Variants in ZNF804B observed in about 807,000 individuals in gnomAD.
ZNF804B encodes zinc finger protein 804B, also known as zinc finger 804B.
In ZNF804B, 80 loss-of-function variants were observed where a neutral mutation model predicts 101.4. The observed-to-expected ratio is 0.79, with a 90% CI of 0.66 to 0.95. The LOEUF is 0.95. Among genes scored for constraint, ZNF804B ranks in the 40% least tolerant of loss-of-function variants. ZNF804B has a pLI of 0.00. For missense variants in ZNF804B, 1,673 were observed against 1,561.9 expected, an observed-to-expected ratio of 1.07 and a Z score of -1.20; for synonymous variants, 622 against 558.8, an observed-to-expected ratio of 1.11 and a Z score of -1.59.
At chr7:88,893,335 C>A (rs1430763629) in intron 1 of ZNF804B, among the ~76,000 whole-genome samples, 2 of 152,044 alleles carry the variant, frequency 1.3e-5, no homozygotes. Context: ...GAACATCTAT[C>A]ATCCGTATTG....
At chr7:88,965,553 G>A (rs773105374) in intron 1 of ZNF804B, among the ~76,000 whole-genome samples, 2 of 151,448 alleles carry the variant, frequency 1.3e-5, no homozygotes, top group African/African-American at 2.4e-5. Flanking sequence ...TCACAAATAC[G>A]TCTGAGCTAT....
rs543366071 is a variant in ZNF804B at position 89,234,469 on chromosome 7, A to G, written c.249+16174A>G. 2.0e-5 allele frequency among the ~76,000 whole-genome samples: 3 copies of G among 152,304 alleles called. No individual in the cohort carries two copies. In the South Asian group the frequency reaches 6.2e-4, roughly 32 times the overall value. ...CTATATAAGATTTCCATGAAATTAA[A>G]TACCACCTGTGATGGTTAATATTAA... On this transcript the variant is annotated intron_variant, in intron 2 of 3. Coordinates refer to ENST00000333190, the MANE Select transcript of ZNF804B (RefSeq NM_181646.5).
intron 1 of ZNF804B, among the ~76,000 whole-genome samples, chr7:88,879,275 A>G (rs1367046782): frequency 6.6e-6 from 1 of 152,162 alleles, no homozygotes. Context: ...TGCATCCTCA[A>G]CAAGGATGAT....
rs1248367817 is a variant in ZNF804B at position 89,336,014 on chromosome 7, C to T, written c.3032C>T (p.Thr1011Ile). ...TEKDKSKSSH[T>I]NNFTILADTD... ...AAAGACAAAAGCAAAAGTTCACACA[C>T]AAATAATTTTACAATTTTAGCAGAC... is the stretch of plus-strand genomic sequence containing the variant. The change falls in exon 4 of 4, where the codon ACA (threonine) becomes ATA (isoleucine). Residue 1011 changes from threonine to isoleucine, a missense_variant. Thr to Ile is a moderately conservative substitution (Grantham distance 89, BLOSUM62 -1). Coordinates refer to ENST00000333190, the MANE Select transcript of ZNF804B (RefSeq NM_181646.5). The T allele has an allele frequency of 1.9e-6, 3 of 1,613,970 alleles. No individual in the cohort carries two copies. Among genetic ancestry groups the T allele is most frequent in the Non-Finnish European group, 2.5e-6 (3 of 1,179,984 alleles).
intron 1 of ZNF804B, among the ~76,000 whole-genome samples, chr7:89,021,476 A>T (rs1788666757): frequency 6.6e-6 from 1 of 152,094 alleles, no homozygotes; most frequent in Non-Finnish European, 1.5e-5. Flanking sequence ...CAAGCCCTAG[A>T]TATGGGCACA....
At chr7:88,835,894 T>C (rs2115793701) in intron 1 of ZNF804B, among the ~76,000 whole-genome samples, 1 of 152,098 alleles carries the variant, frequency 6.6e-6, no homozygotes, top group African/African-American at 2.4e-5. Context: ...TGTGCATGTA[T>C]ATGTGTTTGT....
chr7:89,168,055 A>G (rs1791170375), intron 1 of ZNF804B, among the ~76,000 whole-genome samples: 1 of 152,120 alleles, frequency 6.6e-6, no homozygotes, highest in African/African-American at 2.4e-5. Flanking sequence ...ATTCAATGAA[A>G]TGATTAGGGA....
intron 1 of ZNF804B, among the ~76,000 whole-genome samples, chr7:88,908,586 C>T (rs1449073154): frequency 1.3e-5 from 2 of 151,748 alleles, no homozygotes; most frequent in East Asian, 1.9e-4. Flanking sequence ...GAGAATCTTC[C>T]CAGTGTTTTT....
intron 2 of ZNF804B, among the ~76,000 whole-genome samples, chr7:89,277,493 TC>T (rs1562934722): frequency 2.1e-4 from 2 of 9,472 alleles, no homozygotes; most frequent in Non-Finnish European, 4.2e-4. Flanking sequence ...CCCTCCCCCC[TC>T]CCCCCTACCC....
chr7:88,928,939 A>G (rs1209440469), intron 1 of ZNF804B, among the ~76,000 whole-genome samples: 1 of 152,086 alleles, frequency 6.6e-6, no homozygotes, highest in Non-Finnish European at 1.5e-5. Context: ...TATTTTGGAC[A>G]GTATATTCAA....
At chr7:88,969,309 C>T (rs575162595) in intron 1 of ZNF804B, among the ~76,000 whole-genome samples, 3 of 151,584 alleles carry the variant, frequency 2.0e-5, no homozygotes, top group South Asian at 2.1e-4. Context: ...TGTTCAATTG[C>T]GTTTTATAAA....
intron 1 of ZNF804B, among the ~76,000 whole-genome samples, chr7:88,797,332 G>T (rs948127796): frequency 2.0e-5 from 3 of 151,982 alleles, no homozygotes; most frequent in Non-Finnish European, 1.5e-5. Context: ...AGTATTTCTA[G>T]ATTTCTCCAC....
chr7:89,127,494 T>C (rs1026236666), intron 1 of ZNF804B, among the ~76,000 whole-genome samples: 34 of 151,880 alleles, frequency 2.2e-4, no homozygotes, highest in Admixed American at 1.3e-4. Flanking sequence ...GAAAGTTATA[T>C]AGTACTTTTA....
chr7:88,833,130 C>T (rs1791157474), intron 1 of ZNF804B, among the ~76,000 whole-genome samples: 1 of 148,708 alleles, frequency 6.7e-6, no homozygotes, highest in Non-Finnish European at 1.5e-5. Flanking sequence ...TATCCTCTTT[C>T]AATATTTCCT....
chr7:88,932,920 G>C (rs1792909829), intron 1 of ZNF804B, among the ~76,000 whole-genome samples: 1 of 151,594 alleles, frequency 6.6e-6, no homozygotes, highest in African/African-American at 2.4e-5. Flanking sequence ...AAAAGATAAA[G>C]AGGGAATCCT....
intron 1 of ZNF804B, among the ~76,000 whole-genome samples, chr7:89,172,576 A>AATCCTTCCTGAATACAGAAAG (rs1197496720): frequency 6.6e-6 from 1 of 152,208 alleles, no homozygotes; most frequent in Non-Finnish European, 1.5e-5. Flanking sequence ...ACAGTAAACT[A>AATCCTTCCTGAATACAGAAAG]AAAATTTCTT....
intron 1 of ZNF804B, among the ~76,000 whole-genome samples, chr7:89,128,119 C>A (rs1481153815): frequency 2.6e-5 from 4 of 151,398 alleles, no homozygotes; most frequent in African/African-American, 9.7e-5. Context: ...TAATAAATTC[C>A]TTTTGGGCGT....
intron 1 of ZNF804B, among the ~76,000 whole-genome samples, chr7:89,024,523 C>A (rs555246716): frequency 6.6e-6 from 1 of 150,678 alleles, no homozygotes; most frequent in South Asian, 2.1e-4. Flanking sequence ...ATACATTTGG[C>A]TGTTTATTAG....
intron 2 of ZNF804B, among the ~76,000 whole-genome samples, chr7:89,246,833 T>C (rs1250435884): frequency 2.6e-5 from 4 of 151,814 alleles, no homozygotes; most frequent in Admixed American, 2.6e-4. Flanking sequence ...ATTAAAAGCA[T>C]ATACTTGAGC....
Sources: allele counts gnomAD v4.1 joint callset (sites outside exome capture counted in the v4.1 genomes callset), GRCh38; gene constraint gnomAD v4.1.1; transcripts MANE v1.5; gene names NCBI Gene and HGNC (gene_info 2026-07-23, HGNC 2026-07-21).